The following LARGE1 variants were observed in gnomAD, a reference collection of about 807,000 sequenced individuals.
The protein encoded by LARGE1 is xylosyl- and glucuronyltransferase LARGE1.
A neutral mutation model predicts 87.6 loss-of-function variants in LARGE1; 43 were observed. That is an observed-to-expected ratio of 0.49 (90% confidence interval 0.38 to 0.63). The LOEUF (loss-of-function observed/expected upper bound fraction) is 0.63. Among genes scored for constraint, LARGE1 ranks in the 30% least tolerant of loss-of-function variants. The probability of loss-of-function intolerance (pLI) is 0.00; values close to 1 mark genes in which losing one functional copy is unlikely to be tolerated. For synonymous variants in LARGE1, 434 were observed against 394.6 expected, an observed-to-expected ratio of 1.10 and a Z score of -1.18; for missense variants, 802 against 1,000.2, an observed-to-expected ratio of 0.80 and a Z score of 2.67.
chr22:33,788,108 T>G (rs62225440), intron 1 of LARGE1, among the ~76,000 whole-genome samples: 62 of 152,242 alleles, frequency 4.1e-4, no homozygotes, highest in Admixed American at 2.9e-3. Flanking sequence ...AAATCTTACC[T>G]TGAATTGTAA....
chr22:33,750,345 C>G (rs796456774), intron 2 of LARGE1, among the ~76,000 whole-genome samples: 1 of 152,114 alleles, frequency 6.6e-6, no homozygotes, highest in Non-Finnish European at 1.5e-5. Flanking sequence ...TTAGGGAAAG[C>G]CAAAAATCAT....
chr22:33,358,290 C>A (rs115496939), intron 9 of LARGE1, among the ~76,000 whole-genome samples: 3 of 71,374 alleles, frequency 4.2e-5, no homozygotes, highest in African/African-American at 1.3e-4. Flanking sequence ...TCTTCTCCCC[C>A]AAAACCAACT....
At chr22:33,618,893 T>C (rs1569317114) in intron 4 of LARGE1, among the ~76,000 whole-genome samples, 2 of 152,194 alleles carry the variant, frequency 1.3e-5, no homozygotes, top group Non-Finnish European at 2.9e-5. Context: ...CCTAATCGGT[T>C]TTCTACACTA....
At chr22:33,513,208 G>T (rs367835448) in intron 6 of LARGE1, among the ~76,000 whole-genome samples, 119 of 152,286 alleles carry the variant, frequency 7.8e-4, no homozygotes, top group African/African-American at 2.5e-3. Context: ...TCTTGTGCTG[G>T]CTAGGAAAAA....
intron 7 of LARGE1, among the ~76,000 whole-genome samples, chr22:33,420,997 G>A (rs7290132): frequency 0.015 from 2,217 of 152,158 alleles, 60 homozygotes; most frequent in African/African-American, 0.052. Flanking sequence ...AGACCAGCCC[G>A]GCCAACATGG....
intron 7 of LARGE1, among the ~76,000 whole-genome samples, chr22:33,404,378 T>C (rs2066025529): frequency 6.6e-6 from 1 of 152,182 alleles, no homozygotes; most frequent in African/African-American, 2.4e-5. Context: ...TCATAATCCA[T>C]TTGCAATGCC....
At position 33,455,757 on chromosome 22, in the gene LARGE1, C is replaced by CAAAAAA. The variant is rs35353034; in HGVS notation, c.788-23498_788-23493dup. The stretch of plus-strand genomic sequence containing the variant: ...CGACTGAGTGAAACTCTGTCTCAGC[C>CAAAAAA]AAAAAAAAAAAAAAAAAAAAAAATT... On this transcript the variant is annotated intron_variant, in intron 6 of 14. Coordinates refer to ENST00000397394, the MANE Select transcript of LARGE1 (RefSeq NM_133642.5). 8.6e-4 allele frequency among the ~76,000 whole-genome samples: 55 copies of CAAAAAA among 64,172 alleles called. 1 individual carries two copies. The highest frequency in any genetic ancestry group is 2.0e-3 in the East Asian group (4 of 2,042). 42.1% of individuals were successfully genotyped at this position (64,172 alleles called of 152,430 possible). A position where few individuals can be genotyped will look rare whatever the true frequency, so the allele number is the denominator to read the frequency against.
At chr22:33,548,837 A>G (rs187791813) in intron 6 of LARGE1, among the ~76,000 whole-genome samples, 159 of 152,356 alleles carry the variant, frequency 1.0e-3, no homozygotes, top group Admixed American at 2.0e-3. Flanking sequence ...GATTTGGGTA[A>G]TCTTCTCTTT....
chr22:33,396,717 C>G (rs2065759763), intron 7 of LARGE1, among the ~76,000 whole-genome samples: 1 of 152,060 alleles, frequency 6.6e-6, no homozygotes, highest in African/African-American at 2.4e-5. Flanking sequence ...GAGGTATGTT[C>G]TAGGCAGACA....
At chr22:33,224,917 A>G (rs1471962429) in intron 11 of LARGE1, among the ~76,000 whole-genome samples, 1 of 152,258 alleles carries the variant, frequency 6.6e-6, no homozygotes, top group East Asian at 1.9e-4. Context: ...ACAAGGGAAA[A>G]GAGATTGATT....
chr22:33,827,263 G>A (rs138862357), intron 1 of LARGE1, among the ~76,000 whole-genome samples: 1 of 151,858 alleles, frequency 6.6e-6, no homozygotes, highest in Non-Finnish European at 1.5e-5. Flanking sequence ...CCAGCTACTC[G>A]GGAGGCCAAG....
chr22:33,324,261 C>CAAAAAAA (rs150205490), intron 10 of LARGE1, among the ~76,000 whole-genome samples: 1 of 94,670 alleles, frequency 1.1e-5, no homozygotes, highest in African/African-American at 4.4e-5. Flanking sequence ...AAAAAAAAGC[C>CAAAAAAA]AAAAAAACAA....
At chr22:33,725,695 A>G (rs1161643448) in intron 2 of LARGE1, 1 of 152,216 alleles carries the variant, frequency 6.6e-6, no homozygotes, top group African/African-American at 2.4e-5. Context: ...CCTAGAAAGC[A>G]AGAACATCAG....
chr22:33,790,920 G>A (rs1284240620), intron 1 of LARGE1, among the ~76,000 whole-genome samples: 1 of 151,692 alleles, frequency 6.6e-6, no homozygotes. Context: ...TTTTTATTTT[G>A]TTTTTGCTTT....
At chr22:33,259,949 T>C (rs1019407777) in intron 11 of LARGE1, among the ~76,000 whole-genome samples, 4 of 152,212 alleles carry the variant, frequency 2.6e-5, no homozygotes, top group African/African-American at 9.6e-5. Flanking sequence ...TTGCGTTCCA[T>C]ATGCAAATTA....
chr22:33,567,976 T>C (rs2078078192), intron 5 of LARGE1, among the ~76,000 whole-genome samples: 1 of 152,222 alleles, frequency 6.6e-6, no homozygotes, highest in South Asian at 2.1e-4. Context: ...CAGCACACTC[T>C]CCTGGGGAAT....
chr22:33,281,420 G>A (rs74910861), intron 13 of LARGE1, among the ~76,000 whole-genome samples: 1,807 of 152,114 alleles, frequency 0.012, 15 homozygotes, highest in Middle Eastern at 0.02. Flanking sequence ...GACTCAATCA[G>A]TAGCTGGATG....
At chr22:33,293,978 T>C (rs1932915679) in intron 12 of LARGE1, among the ~76,000 whole-genome samples, 1 of 152,216 alleles carries the variant, frequency 6.6e-6, no homozygotes, top group Non-Finnish European at 1.5e-5. Context: ...TAATGACCAC[T>C]CCTACTAGCC....
intron 1 of LARGE1, among the ~76,000 whole-genome samples, chr22:33,913,024 G>T (rs1419993999): frequency 6.6e-6 from 1 of 151,892 alleles, no homozygotes; most frequent in Non-Finnish European, 1.5e-5. Flanking sequence ...TAGAGACAGG[G>T]TTTCACAATG....
Sources: gnomAD v4.1 joint callset for allele counts (sites outside exome capture counted in the v4.1 genomes callset) on GRCh38, gnomAD v4.1.1 for gene constraint, MANE v1.5 for transcripts, NCBI Gene and HGNC (gene_info 2026-07-23, HGNC 2026-07-21) for gene names.